CCDC73: variants seen among roughly 807,000 people sequenced by gnomAD.
CCDC73 encodes coiled-coil domain-containing protein 73.
In CCDC73, 95 loss-of-function variants were observed where a neutral mutation model predicts 116.5. That is an observed-to-expected ratio of 0.82 (90% CI 0.69 to 0.97). The LOEUF (loss-of-function observed/expected upper bound fraction) is 0.97. CCDC73 is among the 50% of genes least tolerant of loss of function. CCDC73 has a pLI of 0.00. For missense variants in CCDC73, 1,066 were observed against 1,206.8 expected (o/e 0.88, Z 1.73); for synonymous variants, 398 against 401.3 (o/e 0.99, Z 0.10).
At chr11:32,624,271 C>T (rs868545438) in intron 14 of CCDC73, among the ~76,000 whole-genome samples, 5 of 151,876 alleles carry the variant, frequency 3.3e-5, no homozygotes, top group Admixed American at 1.3e-4. Context: ...ACCCAGGAGG[C>T]GGAGGTTGCA....
rs375096753 is a variant in CCDC73, at chr11:32,698,090, T to A, written c.390+1161A>T. 3.9e-4 allele frequency among the ~76,000 whole-genome samples: 57 copies of A among 146,658 alleles called. 1 individual carries two copies. The South Asian group carries it at 0.012, about 32-fold the overall frequency. Reference sequence around the variant, plus strand: ...CCCAGGCTGGAGTGCAGTGGTGATATCTCAGCTCACTGCAAGCTGCGCCTC... The same window carrying A: ...CCCAGGCTGGAGTGCAGTGGTGATAACTCAGCTCACTGCAAGCTGCGCCTC... On this transcript the variant is annotated intron_variant, in intron 6 of 17. Coordinates refer to ENST00000335185, the MANE Select transcript of CCDC73 (RefSeq NM_001008391.4).
the CCDC73 span, among the ~76,000 whole-genome samples, chr11:32,815,907 G>A: frequency 6.6e-6 from 1 of 152,136 alleles, no homozygotes; most frequent in Non-Finnish European, 1.5e-5. Context: ...CTTTCTGCAT[G>A]GAAACTTCTT....
intron 14 of CCDC73, among the ~76,000 whole-genome samples, chr11:32,617,488 C>T (rs1382897638): frequency 6.6e-6 from 1 of 152,172 alleles, no homozygotes; most frequent in African/African-American, 2.4e-5. Flanking sequence ...ATAAGTTGCA[C>T]CTAGAAGTCT....
chr11:32,671,961 C>T (rs1040705291), intron 9 of CCDC73, among the ~76,000 whole-genome samples: 3 of 152,192 alleles, frequency 2.0e-5, no homozygotes, highest in South Asian at 2.1e-4. Flanking sequence ...AGACATTCTG[C>T]GCCTTCTTAC....
At chr11:32,813,221 T>C in the CCDC73 span, among the ~76,000 whole-genome samples, 1 of 152,200 alleles carries the variant, frequency 6.6e-6, no homozygotes, top group Non-Finnish European at 1.5e-5. Flanking sequence ...TCATTGAGGA[T>C]GTGTTTCTAG....
rs1445452373 is a variant in CCDC73 at position 32,702,411 on chromosome 11, T to C, written c.279+462A>G. Among the ~76,000 whole-genome samples the C allele has an allele frequency of 2.6e-5, 4 of 152,312 alleles. No homozygotes were observed. The East Asian group carries it at 7.7e-4, about 29-fold the overall frequency. On this transcript the variant is annotated intron_variant, in intron 4 of 17. Coordinates refer to ENST00000335185, the MANE Select transcript of CCDC73 (RefSeq NM_001008391.4). ...CTATTTCTTAGTTACTGATGATTGATATTTATGGAGGCTACAGTGCATAAT... is the reference window on the plus strand; with the variant it reads ...CTATTTCTTAGTTACTGATGATTGACATTTATGGAGGCTACAGTGCATAAT...
At chr11:32,714,745 A>G (rs1408304463) in intron 3 of CCDC73, among the ~76,000 whole-genome samples, 1 of 152,146 alleles carries the variant, frequency 6.6e-6, no homozygotes, top group Non-Finnish European at 1.5e-5. Flanking sequence ...GGATCAAGAC[A>G]GCCTCTACCC....
chr11:32,762,941 A>G (rs1316912862), intron 1 of CCDC73, among the ~76,000 whole-genome samples: 1 of 152,194 alleles, frequency 6.6e-6, no homozygotes, highest in Non-Finnish European at 1.5e-5. Context: ...ACGGCACACC[A>G]GGAAATTATA....
upstream of CCDC73, among the ~76,000 whole-genome samples, chr11:32,795,579 A>G (rs758031201): frequency 1.2e-4 from 19 of 152,016 alleles, no homozygotes; most frequent in Non-Finnish European, 2.4e-4. Flanking sequence ...AACTAATGCT[A>G]TGTTTCAGTA....
chr11:32,734,066 G>A (rs1211625886), intron 2 of CCDC73, among the ~76,000 whole-genome samples: 5 of 152,186 alleles, frequency 3.3e-5, no homozygotes, highest in Middle Eastern at 3.4e-3. Context: ...TCAAATAGTC[G>A]CAATAAAACA....
intron 17 of CCDC73, among the ~76,000 whole-genome samples, chr11:32,606,806 CTTTTTT>C (rs10591021): frequency 4.9e-5 from 5 of 101,062 alleles, no homozygotes; most frequent in Non-Finnish European, 9.6e-5. Flanking sequence ...AAAATAAATT[CTTTTTT>C]TTTTTTTTTT....
intron 7 of CCDC73, chr11:32,681,418 C>T (rs777160114): frequency 4.0e-5 from 6 of 151,824 alleles, no homozygotes; most frequent in Non-Finnish European, 5.9e-5. Context: ...TGGTAATGAT[C>T]GTGATTTTTT....
intron 1 of CCDC73, among the ~76,000 whole-genome samples, chr11:32,785,904 T>C (rs1308947260): frequency 6.6e-6 from 1 of 152,190 alleles, no homozygotes. Context: ...GGGATAATAA[T>C]ACTTATTTCA....
At chr11:32,677,937 A>T (rs1856104160) in intron 7 of CCDC73, among the ~76,000 whole-genome samples, 1 of 137,040 alleles carries the variant, frequency 7.3e-6, no homozygotes, top group African/African-American at 2.8e-5. Context: ...AGGCAAACAA[A>T]AGAGCAAGAT....
intron 12 of CCDC73, among the ~76,000 whole-genome samples, chr11:32,652,245 A>G (rs1394821902): frequency 1.3e-5 from 2 of 151,958 alleles, no homozygotes; most frequent in African/African-American, 2.4e-5. Context: ...TGGAGGTTGC[A>G]GTGAGCCAAG....
In CCDC73 at chr11:32,613,740, C is replaced by T. The variant is rs1163598731; in HGVS notation, c.2578G>A (p.Glu860Lys). The change falls in exon 16 of 18, where the codon GAA becomes AAA. Residue 860 changes from glutamate to lysine, a missense_variant. By Grantham distance (56) the Glu-to-Lys change is moderately conservative. Transcript: ENST00000335185. ...GAATGTGATTCCTCCAGCTGTCCTT[C>T]ACTGAACATTTTTCCTGAAACAATG... ...NDIVSGKMFSEGQLEESHSFH... is the reference protein window; with the variant it reads ...NDIVSGKMFSKGQLEESHSFH... 14 of 1,614,070 alleles carry T rather than the reference C, an allele frequency of 8.7e-6. No homozygotes were observed. Among genetic ancestry groups the T allele is most frequent in the Non-Finnish European group, 1.2e-5 (14 of 1,179,996 alleles).
the CCDC73 span, among the ~76,000 whole-genome samples, chr11:32,821,138 G>A: frequency 6.6e-6 from 1 of 152,234 alleles, no homozygotes; most frequent in East Asian, 1.9e-4. Flanking sequence ...CACTCCAGGA[G>A]AAGATATTAT....
intron 3 of CCDC73, among the ~76,000 whole-genome samples, chr11:32,712,661 C>G (rs553480171): frequency 2.6e-4 from 40 of 151,878 alleles, no homozygotes; most frequent in Non-Finnish European, 5.2e-4. Flanking sequence ...TACAATAATA[C>G]TATTTGACAA....
chr11:32,663,683 C>A (rs1403942199), intron 9 of CCDC73, among the ~76,000 whole-genome samples: 2 of 152,166 alleles, frequency 1.3e-5, no homozygotes, highest in Non-Finnish European at 2.9e-5. Context: ...CTTTCTCTTG[C>A]CTGATTGCCC....
Sources: gnomAD v4.1 joint callset for allele counts (sites outside exome capture counted in the v4.1 genomes callset) on GRCh38, gnomAD v4.1.1 for gene constraint, MANE v1.5 for transcripts, NCBI Gene and HGNC (gene_info 2026-07-23, HGNC 2026-07-21) for gene names.